Variants in NOL12 observed in about 807,000 individuals in gnomAD.
The protein encoded by NOL12 is nucleolar protein 12.
Under a neutral mutation model 25.2 loss-of-function variants are expected in NOL12, and 21 were observed. The observed-to-expected ratio is 0.83, with a 90% CI of 0.59 to 1.20. The LOEUF is 1.20. Ranked by LOEUF, NOL12 falls within the 50% of genes most tolerant of loss-of-function variation. The pLI is 0.00. For missense variants in NOL12, 286 were observed against 287.6 expected (o/e 0.99, Z 0.04); for synonymous variants, 133 against 113.8 (o/e 1.17, Z -1.08).
chr22:37,690,814 C>T lies in NOL12; in HGVS notation c.479+20C>T, dbSNP rs780836705. 1.9e-6 allele frequency: 3 copies of T among 1,566,108 alleles called. No homozygotes were observed. The African/African-American group carries it at 4.1e-5, about 21-fold the overall frequency. ...TCAGCGGTGAGTCTTGGCCTGCTGC[C>T]TCCCCGGTCCCACCCCTCCTGGCTG... On this transcript the variant is annotated intron_variant, in intron 5 of 5. Transcript: ENST00000359114.
chr22:37,686,364 AG>A lies in NOL12; in HGVS notation c.-26del, dbSNP rs1401597094. 6.3e-7 allele frequency: 1 copy of A among 1,576,294 alleles called. No homozygotes were observed. The highest frequency in any genetic ancestry group is 8.6e-7 in the Non-Finnish European group (1 of 1,164,000). On this transcript the variant is annotated 5_prime_UTR_variant, in exon 1 of 6. Coordinates refer to ENST00000359114, the MANE Select transcript of NOL12 (RefSeq NM_024313.3). ...GTACGCTACACCCGGAAGTGTCTTCAGGGAGAGGAAGCCGGCGGCCTCACTG... is the reference window on the plus strand; with the variant it reads ...GTACGCTACACCCGGAAGTGTCTTCAGGAGAGGAAGCCGGCGGCCTCACTG...
chr22:37,687,845 C>T, intron 1 of NOL12, 65 bp from the exon 2 acceptor site: 1 of 1,295,514 alleles, frequency 7.7e-7, no homozygotes, highest in Non-Finnish European at 1.1e-6. Context: ...CCATTTTTCT[C>T]CTAGAGCGAG....
At chr22:37,688,444 C>T (rs1305233569) in intron 3 of NOL12, 84 bp downstream of exon 3, 2 of 1,427,520 alleles carry the variant, frequency 1.4e-6, no homozygotes, top group South Asian at 1.1e-5. Context: ...TAGAAGCTGA[C>T]CTCCTTGGCC....
rs538409483 is a variant in NOL12 at position 37,692,289 on chromosome 22, G to C, written c.*953G>C. On this transcript the variant is annotated 3_prime_UTR_variant, in exon 6 of 6. Transcript: ENST00000359114. ...GAAGAATCACTTGAACCCTGGAGGC[G>C]GAGGCTGCAGTGAGCCGAGATCACG... 2.6e-4 allele frequency: 98 copies of C among 381,892 alleles called. No individual in the cohort carries two copies. The South Asian group carries it at 5.8e-3, about 23-fold the overall frequency. The allele number at this position is 381,892 out of a possible 1,614,324, so 23.7% of individuals were successfully genotyped here.
At chr22:37,687,866 C>T (rs1394808328) in intron 1 of NOL12, 44 bp from the exon 2 acceptor site, 1 of 1,467,856 alleles carries the variant, frequency 6.8e-7, no homozygotes, top group East Asian at 2.5e-5. Flanking sequence ...CCCTTCTCTC[C>T]TTGTATAATG....
intron 1 of NOL12, among the ~76,000 whole-genome samples, chr22:37,687,519 A>G (rs1257393439): frequency 1.3e-5 from 2 of 152,096 alleles, no homozygotes; most frequent in African/African-American, 4.8e-5. Context: ...GTGCAGTGGC[A>G]TGATCTCGGC....
In NOL12 at chr22:37,691,167, C is replaced by T. The variant is rs185403794; in HGVS notation, c.480-7C>T. On this transcript the variant is annotated splice_polypyrimidine_tract_variant and splice_region_variant and intron_variant, in intron 5 of 5. Coordinates refer to ENST00000359114, the MANE Select transcript of NOL12 (RefSeq NM_024313.3). ...ATCTTAAACTGAGGCTTTCTGCCCTCCCCTAGGATCTCCTCCCTCACAGCA... is the reference window on the plus strand; with the variant it reads ...ATCTTAAACTGAGGCTTTCTGCCCTTCCCTAGGATCTCCTCCCTCACAGCA... The T allele has an allele frequency of 6.2e-7, 1 of 1,602,736 alleles. No homozygotes were observed. The highest frequency in any genetic ancestry group is 8.5e-7 in the Non-Finnish European group (1 of 1,173,148).
chr22:37,686,401 C>T lies in NOL12; in HGVS notation c.9C>T (p.Arg3=), dbSNP rs761043328. Residue 3 remains arginine, a synonymous_variant, in exon 1 of 6, where the codon CGC becomes CGT. Coordinates refer to ENST00000359114, the MANE Select transcript of NOL12 (RefSeq NM_024313.3). ...CCGGCGGCCTCACTGCTATGGGCCG[C>T]AACAAGAAGAAGAAGCGAGATGGTG... MG[R]NKKKKRDGDD... is the part of the protein sequence containing the mutation. 1 of 1,603,852 alleles carries T rather than the reference C, an allele frequency of 6.2e-7. No homozygotes were observed. Among genetic ancestry groups the T allele is most frequent in the South Asian group, 1.1e-5 (1 of 89,310 alleles).
chr22:37,688,422 G>A (rs569125195), intron 3 of NOL12, 62 bp downstream of exon 3: 62 of 1,553,958 alleles, frequency 4.0e-5, no homozygotes, highest in Non-Finnish European at 5.0e-5. Context: ...TACCCTTGGT[G>A]GGTGGAAGGG....
chr22:37,689,929 T>G (rs1165617620), intron 4 of NOL12, among the ~76,000 whole-genome samples: 1 of 152,146 alleles, frequency 6.6e-6, no homozygotes, highest in East Asian at 1.9e-4. Context: ...CCCAGCACTT[T>G]GGGAGGCCGA....
intron 4 of NOL12, 34 bp from the exon 5 acceptor site, chr22:37,690,663 G>A (rs374881274): frequency 6.5e-6 from 10 of 1,544,498 alleles, no homozygotes; most frequent in Non-Finnish European, 8.0e-6. Context: ...CCCAGCTACT[G>A]CTCCATGTAA....
Position 37,687,738 on chromosome 22 carries a change from G to GT in NOL12, c.84-171dup, listed in dbSNP as rs1358241814. On this transcript the variant is annotated intron_variant, in intron 1 of 5. Transcript: ENST00000359114. The stretch of plus-strand genomic sequence containing the variant: ...CTTCCAAAGTACTGGGATTACAGGC[G>GT]TGAGCCACCATGCCTGGCCATTGTT... 17 of 524,852 alleles carry GT rather than the reference G, an allele frequency of 3.2e-5. No homozygotes were observed. In the Admixed American group the frequency reaches 5.3e-4, roughly 16 times the overall value. The allele number at this position is 524,852 out of a possible 1,614,324, so 32.5% of individuals were successfully genotyped here.
At chr22:37,686,672 A>G in intron 1 of NOL12, 197 bp downstream of exon 1, 1 of 984,658 alleles carries the variant, frequency 1.0e-6, no homozygotes, top group Non-Finnish European at 1.2e-6. Context: ...TGACCTCCCC[A>G]CCTCGCCTAG....
intron 1 of NOL12, 187 bp from the exon 2 acceptor site, chr22:37,687,723 A>C (rs920713175): frequency 3.7e-5 from 18 of 484,272 alleles, no homozygotes; most frequent in African/African-American, 3.5e-4. Flanking sequence ...CTTCCAAAGT[A>C]CTGGGATTAC....
rs1461246657 is a variant in NOL12, at chr22:37,690,017, C to A, written c.382-680C>A. 2.0e-5 allele frequency among the ~76,000 whole-genome samples: 3 copies of A among 152,192 alleles called. No homozygotes were observed. In the East Asian group the frequency reaches 5.8e-4, roughly 29 times the overall value. On this transcript the variant is annotated intron_variant, in intron 4 of 5. Transcript: ENST00000359114. ...AGAAACCCTGTCTCTACTAAAAATA[C>A]AAAATTAGCTGGGTGTGGTGGGACA...
At chr22:37,688,113 G>T in intron 2 of NOL12, 98 bp downstream of exon 2, 1 of 1,175,162 alleles carries the variant, frequency 8.5e-7, no homozygotes. Context: ...GGGGCGATGT[G>T]TGTGTGGGCA....
chr22:37,687,734 A>G (rs1464945073), intron 1 of NOL12, 176 bp from the exon 2 acceptor site: 2 of 513,612 alleles, frequency 3.9e-6, no homozygotes, highest in Admixed American at 3.2e-5. Context: ...CTGGGATTAC[A>G]GGCGTGAGCC....
At chr22:37,686,531 A>G in intron 1 of NOL12, 56 bp downstream of exon 1, 1 of 1,522,428 alleles carries the variant, frequency 6.6e-7, no homozygotes, top group Non-Finnish European at 8.8e-7. Context: ...GGCCAAGGCC[A>G]GGTCTGGGGC....
intron 2 of NOL12, 113 bp downstream of exon 2, chr22:37,688,128 T>TG (rs1405467927): frequency 1.8e-6 from 2 of 1,103,116 alleles, no homozygotes; most frequent in East Asian, 5.1e-5. Context: ...TGGGCAGGAC[T>TG]GGGGAATAGT....
Sources: gnomAD v4.1 joint callset for allele counts (sites outside exome capture counted in the v4.1 genomes callset) on GRCh38, gnomAD v4.1.1 for gene constraint, MANE v1.5 for transcripts, NCBI Gene and HGNC (gene_info 2026-07-23, HGNC 2026-07-21) for gene names.